Variants in GABRG3 observed in about 807,000 individuals in gnomAD.
GABRG3 encodes gamma-aminobutyric acid receptor subunit gamma-3.
Under a neutral mutation model 48.8 loss-of-function variants are expected in GABRG3, and 25 were observed. The observed-to-expected ratio is 0.51, with a 90% CI of 0.37 to 0.72. The LOEUF (loss-of-function observed/expected upper bound fraction) is 0.72, where lower values mean the gene tolerates loss of function less well. Ranked by LOEUF, GABRG3 falls within the 30% of genes least tolerant of loss-of-function variation. The pLI, the probability that GABRG3 is intolerant of heterozygous loss-of-function variation, is 0.00. For missense variants in GABRG3, 394 were observed against 577.9 expected, an observed-to-expected ratio of 0.68 and a Z score of 3.26; for synonymous variants, 227 against 217.6, an observed-to-expected ratio of 1.04 and a Z score of -0.38.
At chr15:27,488,348 A>G (rs1216664068) in intron 6 of GABRG3, among the ~76,000 whole-genome samples, 1 of 152,190 alleles carries the variant, frequency 6.6e-6, no homozygotes, top group East Asian at 1.9e-4. Flanking sequence ...GATTGTAACC[A>G]AGGAGGACTT....
rs1894959413 is a variant in GABRG3, at chr15:26,976,890, T to C, written c.54-112T>C. The C allele has an allele frequency of 3.0e-6, 3 of 1,006,926 alleles. No homozygotes were observed. Among genetic ancestry groups the C allele is most frequent in the Admixed American group, 5.0e-5 (2 of 40,040 alleles). The allele number at this position is 1,006,926 out of a possible 1,614,324, so 62.4% of individuals were successfully genotyped here. On this transcript the variant is annotated intron_variant, in intron 1 of 9. Coordinates refer to ENST00000615808, the MANE Select transcript of GABRG3 (RefSeq NM_033223.5). The surrounding 1 kb of genome is among the most constrained non-coding windows in gnomAD (Gnocchi z 7.8). ...GGTTTTCACGTGTGTGGTTGGGCTG[T>C]GGGTACTGGGGACTTTCTACCCATT...
At chr15:26,991,814 G>A (rs1046631760) in intron 2 of GABRG3, among the ~76,000 whole-genome samples, 8 of 151,788 alleles carry the variant, frequency 5.3e-5, no homozygotes, top group Admixed American at 3.9e-4. Context: ...TCCACCTCCC[G>A]GGTTCATGCC....
intron 3 of GABRG3, among the ~76,000 whole-genome samples, chr15:27,312,690 C>T (rs1053188140): frequency 5.9e-5 from 9 of 151,930 alleles, no homozygotes; most frequent in African/African-American, 2.2e-4. Context: ...GGCAAAACTG[C>T]CCTTTAAAAA....
Position 27,352,173 on chromosome 15 carries a change from G to T in GABRG3, c.574+23285G>T, listed in dbSNP as rs1894643056. Among the ~76,000 whole-genome samples, 1 of 150,324 alleles carries T rather than the reference G, an allele frequency of 6.7e-6. No individual in the cohort carries two copies. Among genetic ancestry groups the T allele is most frequent in the African/African-American group, 2.5e-5 (1 of 40,340 alleles). ...GTGTATGGTGTGTGTGTTTGTGTAT[G>T]GTGTGTGTGTTTGTGTGTATCTTGG... On this transcript the variant is annotated intron_variant, in intron 5 of 9. Coordinates refer to ENST00000615808, the MANE Select transcript of GABRG3 (RefSeq NM_033223.5). The surrounding 1 kb of genome is among the most constrained non-coding windows in gnomAD (Gnocchi z 4.0).
At chr15:27,305,329 T>C (rs751321028) in intron 3 of GABRG3, among the ~76,000 whole-genome samples, 10 of 151,298 alleles carry the variant, frequency 6.6e-5, no homozygotes, top group Non-Finnish European at 1.5e-4. Context: ...ACAGTGTAAG[T>C]TTATAGGAAA....
At chr15:27,188,477 GTGA>G (rs1370980478) in intron 3 of GABRG3, among the ~76,000 whole-genome samples, 1 of 152,132 alleles carries the variant, frequency 6.6e-6, no homozygotes, top group Non-Finnish European at 1.5e-5. Flanking sequence ...CTGATGGCCA[GTGA>G]TGATGAGCAT....
rs1197506848 is a variant in GABRG3, at chr15:27,352,597, C to T, written c.574+23709C>T. On this transcript the variant is annotated intron_variant, in intron 5 of 9. Coordinates refer to ENST00000615808, the MANE Select transcript of GABRG3 (RefSeq NM_033223.5). This position sits in a 1 kb window ranked among gnomAD's most constrained non-coding sequence, Gnocchi z 4.0. ...ATTTCTGTCCGACCTGTGGGACAGG[C>T]GCTCACACCACCCCACACTGCCCCG... Among the ~76,000 whole-genome samples, 3 of 152,064 alleles carry T rather than the reference C, an allele frequency of 2.0e-5. No homozygotes were observed. The highest frequency in any genetic ancestry group is 4.8e-5 in the African/African-American group (2 of 41,382).
rs1891410624 is a variant in GABRG3, at chr15:27,531,019, T to G, written c.1123-1581T>G. On this transcript the variant is annotated intron_variant, in intron 9 of 9. Transcript: ENST00000615808. ...AATGCTTGGCGATGTTTACACCCACTCGGGACAAAGAACATTAACCTAGAA... is the reference window on the plus strand; with the variant it reads ...AATGCTTGGCGATGTTTACACCCACGCGGGACAAAGAACATTAACCTAGAA... The G allele has an allele frequency of 1.5e-5, 4 of 266,564 alleles. No individual in the cohort carries two copies. The South Asian group carries it at 1.5e-4, about 10-fold the overall frequency. The allele number at this position is 266,564 out of a possible 1,614,324, so 16.5% of individuals were successfully genotyped here. A position where few individuals can be genotyped will look rare whatever the true frequency, so the allele number is the denominator to read the frequency against.
intron 1 of GABRG3, 121 bp downstream of exon 1, chr15:26,971,709 G>A (rs1894849226): frequency 2.6e-6 from 3 of 1,147,970 alleles, no homozygotes; most frequent in Non-Finnish European, 3.5e-6. Context: ...ACGGCGGGCC[G>A]GGAGGGGACT....
intron 3 of GABRG3, among the ~76,000 whole-genome samples, chr15:27,182,628 C>T (rs952762638): frequency 1.8e-4 from 27 of 152,106 alleles, no homozygotes; most frequent in African/African-American, 4.1e-4. Flanking sequence ...AATGAGATGA[C>T]GGGAGGGGGT....
chr15:27,505,834 G>T (rs1418640193), intron 6 of GABRG3, among the ~76,000 whole-genome samples: 1 of 152,046 alleles, frequency 6.6e-6, no homozygotes, highest in Non-Finnish European at 1.5e-5. Flanking sequence ...ACATAGAATT[G>T]GTGCTATTTC....
chr15:27,088,362 GA>G (rs1853667014), intron 3 of GABRG3, among the ~76,000 whole-genome samples: 1 of 152,062 alleles, frequency 6.6e-6, no homozygotes, highest in African/African-American at 2.4e-5. Flanking sequence ...CCAGGAGAAG[GA>G]AAGGGTGCGC....
intron 3 of GABRG3, among the ~76,000 whole-genome samples, chr15:27,095,256 G>A (rs1897251597): frequency 6.6e-6 from 1 of 152,214 alleles, no homozygotes; most frequent in East Asian, 1.9e-4. Context: ...TTGAATGAAG[G>A]CATTTATATG....
At chr15:27,214,744 T>A (rs570539230) in intron 3 of GABRG3, among the ~76,000 whole-genome samples, 1 of 151,814 alleles carries the variant, frequency 6.6e-6, no homozygotes, top group South Asian at 2.1e-4. Context: ...CAAATAGCCT[T>A]TGAGAATCCT....
At chr15:27,271,599 G>A (rs1566988689) in intron 3 of GABRG3, 1 of 455,262 alleles carries the variant, frequency 2.2e-6, no homozygotes, top group Admixed American at 2.4e-5. Context: ...CCTAGAGTCA[G>A]TCAGTCAGTC....
At position 27,459,243 on chromosome 15, in the gene GABRG3, G is replaced by A. The variant is rs1437035794; in HGVS notation, c.575-21407G>A. ...GGCAGGCTCGGTCCCATACAGTAGA[G>A]TCTTGTGTTCCTGCTGCTGGGAGTC... On this transcript the variant is annotated intron_variant, in intron 5 of 9. Coordinates refer to ENST00000615808, the MANE Select transcript of GABRG3 (RefSeq NM_033223.5). 2.6e-5 allele frequency among the ~76,000 whole-genome samples: 4 copies of A among 152,368 alleles called. No individual in the cohort carries two copies. In the South Asian group the frequency reaches 8.3e-4, roughly 32 times the overall value.
At chr15:27,177,359 C>T (rs1462745507) in intron 3 of GABRG3, among the ~76,000 whole-genome samples, 1 of 152,194 alleles carries the variant, frequency 6.6e-6, no homozygotes, top group African/African-American at 2.4e-5. Flanking sequence ...ATCTTGTGAC[C>T]TCCAGCTACA....
At chr15:27,101,753 A>G (rs994920476) in intron 3 of GABRG3, among the ~76,000 whole-genome samples, 3 of 150,682 alleles carry the variant, frequency 2.0e-5, no homozygotes, top group Admixed American at 6.6e-5. Context: ...GGGGTGTCCA[A>G]TCTCTCGGCT....
intron 3 of GABRG3, among the ~76,000 whole-genome samples, chr15:27,034,227 G>A (rs1464893017): frequency 6.6e-6 from 1 of 152,078 alleles, no homozygotes; most frequent in Non-Finnish European, 1.5e-5. Flanking sequence ...TGGATCTCCT[G>A]TTGTCCTCTT....
Sources: allele counts gnomAD v4.1 joint callset (sites outside exome capture counted in the v4.1 genomes callset), GRCh38; gene constraint gnomAD v4.1.1; non-coding constraint Gnocchi (gnomAD v3.1); transcripts MANE v1.5; gene names NCBI Gene and HGNC (gene_info 2026-07-23, HGNC 2026-07-21).